The following NRG1 variants were observed in gnomAD, a reference collection of about 807,000 sequenced individuals.
The protein encoded by NRG1 is pro-neuregulin-1, membrane-bound isoform.
NRG1 carries 18 observed loss-of-function variants against 63.8 expected under a neutral mutation model. That is an observed-to-expected ratio of 0.28 (90% CI 0.19 to 0.42). The LOEUF (loss-of-function observed/expected upper bound fraction) is 0.42, where lower values mean the gene tolerates loss of function less well. Ranked by LOEUF, NRG1 falls within the 10% of genes least tolerant of loss-of-function variation. The pLI, the probability that NRG1 is intolerant of heterozygous loss-of-function variation, is 1.00. For synonymous variants in NRG1, 302 were observed against 301.3 expected (o/e 1.00, Z -0.02); for missense variants, 762 against 814.7 (o/e 0.94, Z 0.79).
chr8:31,686,461 A>G (rs1291773119), intron 1 of NRG1, among the ~76,000 whole-genome samples: 1 of 152,176 alleles, frequency 6.6e-6, no homozygotes, highest in East Asian at 1.9e-4. Context: ...TTGTTAAGAA[A>G]CTAATGGTAG....
intron 1 of NRG1, among the ~76,000 whole-genome samples, chr8:32,231,713 C>G (rs1241150788): frequency 6.6e-6 from 1 of 151,718 alleles, no homozygotes; most frequent in African/African-American, 2.4e-5. Flanking sequence ...CCAGCCTGAC[C>G]AATATGGTAA....
intron 1 of NRG1, among the ~76,000 whole-genome samples, chr8:31,731,503 T>C (rs578020987): frequency 2.0e-5 from 3 of 151,946 alleles, no homozygotes; most frequent in East Asian, 3.9e-4. Context: ...TGGAGAGATA[T>C]AAGTATACAC....
intron 3 of NRG1, among the ~76,000 whole-genome samples, chr8:32,612,410 G>C (rs976967489): frequency 6.6e-5 from 10 of 151,988 alleles, no homozygotes; most frequent in African/African-American, 2.4e-4. Context: ...AGAAGTATAG[G>C]TTAACTTTTG....
At chr8:31,754,388 C>T (rs1199637347) in intron 1 of NRG1, among the ~76,000 whole-genome samples, 3 of 152,012 alleles carry the variant, frequency 2.0e-5, no homozygotes, top group Admixed American at 6.6e-5. Flanking sequence ...TGTGATGCTT[C>T]GCCCCTCTCT....
intron 1 of NRG1, among the ~76,000 whole-genome samples, chr8:31,676,385 A>T (rs1807701039): frequency 1.3e-5 from 2 of 151,976 alleles, no homozygotes; most frequent in Admixed American, 1.3e-4. Flanking sequence ...TTCTTCTTTA[A>T]TCCTTGACAA....
intron 11 of NRG1, 22 bp from the exon 12 acceptor site, chr8:32,763,726 A>C (rs1589660966): frequency 2.0e-6 from 3 of 1,522,412 alleles, no homozygotes; most frequent in Non-Finnish European, 2.6e-6. Flanking sequence ...ACACTTATGC[A>C]GGGTATTCTG....
intron 5 of NRG1, among the ~76,000 whole-genome samples, chr8:32,723,820 G>A (rs2919372): frequency 2.0e-5 from 3 of 150,640 alleles, no homozygotes; most frequent in Admixed American, 6.6e-5. Context: ...CTGAAAGGAA[G>A]AAAGAAGAAG....
chr8:32,647,752 C>G, intron 5 of NRG1: 1 of 1,592,454 alleles, frequency 6.3e-7, no homozygotes, highest in Non-Finnish European at 8.6e-7. Flanking sequence ...TCTGAGGTCG[C>G]CGCCGAGAGG....
intron 1 of NRG1, among the ~76,000 whole-genome samples, chr8:31,853,127 GT>G (rs1208130809): frequency 6.6e-6 from 1 of 152,066 alleles, no homozygotes; most frequent in Non-Finnish European, 1.5e-5. Context: ...CTTTAAAGTA[GT>G]TTTTTTCAAT....
chr8:32,369,422 A>G (rs539619046), intron 1 of NRG1, among the ~76,000 whole-genome samples: 11 of 152,340 alleles, frequency 7.2e-5, no homozygotes, highest in Admixed American at 5.9e-4. Flanking sequence ...ATAAAGGACA[A>G]TTCTACTCTG....
intron 1 of NRG1, among the ~76,000 whole-genome samples, chr8:31,829,248 G>A (rs1824873952): frequency 2.0e-5 from 3 of 152,160 alleles, no homozygotes; most frequent in African/African-American, 7.2e-5. Flanking sequence ...ATAGTGTGTT[G>A]TGTACTTGTT....
chr8:31,936,525 CA>C (rs1316727776), intron 1 of NRG1, among the ~76,000 whole-genome samples: 1 of 151,992 alleles, frequency 6.6e-6, no homozygotes, highest in East Asian at 1.9e-4. Context: ...ACAACACATC[CA>C]AAAAAATGAC....
chr8:31,681,564 A>C (rs1808342705), intron 1 of NRG1, among the ~76,000 whole-genome samples: 1 of 151,994 alleles, frequency 6.6e-6, no homozygotes, highest in Admixed American at 6.6e-5. Context: ...GTTAGAAAGG[A>C]AGTAGGTTGT....
At chr8:31,854,496 C>T (rs1276987703) in intron 1 of NRG1, among the ~76,000 whole-genome samples, 1 of 151,606 alleles carries the variant, frequency 6.6e-6, no homozygotes, top group African/African-American at 2.4e-5. Flanking sequence ...TTTGATTCTT[C>T]TCTCTTTTTT....
At chr8:32,201,003 C>T (rs1039066268) in intron 1 of NRG1, among the ~76,000 whole-genome samples, 10 of 152,154 alleles carry the variant, frequency 6.6e-5, no homozygotes, top group Non-Finnish European at 2.9e-5. Context: ...ATTCTATAAA[C>T]TTCTGGGGAA....
At chr8:31,791,120 A>T (rs1022090956) in intron 1 of NRG1, among the ~76,000 whole-genome samples, 2 of 151,838 alleles carry the variant, frequency 1.3e-5, no homozygotes, top group Non-Finnish European at 2.9e-5. Context: ...GAGGCGCAAG[A>T]ATCCATTGAG....
chr8:32,546,889 ACACTCCAGACTG>A (rs1025938554), upstream of NRG1, among the ~76,000 whole-genome samples: 4 of 152,166 alleles, frequency 2.6e-5, no homozygotes, highest in African/African-American at 9.7e-5. Context: ...TATCAAGGAG[ACACTCCAGACTG>A]CACTTTTATT....
intron 1 of NRG1, among the ~76,000 whole-genome samples, chr8:32,203,753 G>T (rs1253814727): frequency 6.6e-6 from 1 of 152,108 alleles, no homozygotes; most frequent in African/African-American, 2.4e-5. Context: ...TATGAGCTAA[G>T]GATATAGCAG....
intron 1 of NRG1, among the ~76,000 whole-genome samples, chr8:32,520,510 G>C (rs186995761): frequency 3.1e-4 from 47 of 151,908 alleles, no homozygotes; most frequent in African/African-American, 1.0e-3. Context: ...GATATCACAG[G>C]GTGGTTGTGA....
Sources: allele counts gnomAD v4.1 joint callset (sites outside exome capture counted in the v4.1 genomes callset), GRCh38; gene constraint gnomAD v4.1.1; transcripts MANE v1.5; gene names NCBI Gene and HGNC (gene_info 2026-07-23, HGNC 2026-07-21).